The following FPGT variants were observed in gnomAD, a reference collection of about 807,000 sequenced individuals.
FPGT encodes the protein fucose-1-phosphate guanylyltransferase, also known as GDP-L-fucose diphosphorylase.
Under a neutral mutation model 45.8 loss-of-function variants are expected in FPGT, and 41 were observed. The observed-to-expected ratio is 0.90, with a 90% CI of 0.70 to 1.16. The LOEUF (loss-of-function observed/expected upper bound fraction) is 1.16, where lower values mean the gene tolerates loss of function less well. Among genes scored for constraint, FPGT ranks in the 50% most tolerant of loss-of-function variants. FPGT has a pLI of 0.00. For synonymous variants in FPGT, 292 were observed against 247.2 expected (o/e 1.18, Z -1.70); for missense variants, 755 against 689.1 (o/e 1.10, Z -1.07).
In FPGT at chr1:74,201,550, T is replaced by G. The variant is rs371707234; in HGVS notation, c.343+140T>G. The G allele has an allele frequency of 2.0e-5, 12 of 604,328 alleles. 1 individual carries two copies. Among genetic ancestry groups the G allele is most frequent in the East Asian group, 9.3e-5 (3 of 32,098 alleles). 37.4% of individuals were successfully genotyped at this position (604,328 alleles called of 1,614,324 possible). ...GTTATTCTGCTTTGAAAACAAATAT[T>G]TTATGATTTTCATGACTTTTTTTAG... On this transcript the variant is annotated intron_variant, in intron 3 of 3. Transcript: ENST00000370898.
At position 74,199,946 on chromosome 1, in the gene FPGT, A is replaced by G. The variant is rs540870571; in HGVS notation, c.250+115A>G. 1.1e-4 allele frequency: 133 copies of G among 1,192,364 alleles called. 1 individual carries two copies. The South Asian group carries it at 2.8e-3, about 25-fold the overall frequency. The allele number at this position is 1,192,364 out of a possible 1,614,324, so 73.9% of individuals were successfully genotyped here. On this transcript the variant is annotated intron_variant, in intron 2 of 3. Transcript: ENST00000370898. Reference sequence around the variant, plus strand: ...GCATATCTCTACCCACAGCTTTACAAACTTTAAAATTTGAACATAAATTGA... The same window carrying G: ...GCATATCTCTACCCACAGCTTTACAGACTTTAAAATTTGAACATAAATTGA...
rs1389768040 is a variant in FPGT at position 74,201,406 on chromosome 1, C to T, written c.339C>T (p.His113=). The T allele has an allele frequency of 3.1e-6, 5 of 1,595,750 alleles. No individual in the cohort carries two copies. The highest frequency in any genetic ancestry group is 1.3e-5 in the African/African-American group (1 of 74,406). Residue 113 remains histidine (H), a synonymous_variant, in exon 3 of 4, where the codon CAC becomes CAT. Coordinates refer to ENST00000370898, the MANE Select transcript of FPGT (RefSeq NM_003838.5). ...KWNSFTILLI[H]SGGYSQRLPN... ...ATTCTTTTACCATCTTATTAATTCA[C>T]TCTGGTAATGTTATACTTTACTAAT...
intron 2 of FPGT, among the ~76,000 whole-genome samples, chr1:74,200,467 A>T: frequency 6.7e-6 from 1 of 149,756 alleles, no homozygotes; most frequent in African/African-American, 2.5e-5. Context: ...TTTAATCCTT[A>T]CAACTATGAG....
rs555698704 is a variant in FPGT, at chr1:74,205,222, T to C, written c.1175T>C (p.Ile392Thr). 7 of 1,613,958 alleles carry C rather than the reference T, an allele frequency of 4.3e-6. No homozygotes were observed. The African/African-American group carries it at 6.7e-5, about 15-fold the overall frequency. Residue 392 changes from isoleucine to threonine, a missense_variant, in exon 4 of 4, where the codon ATA becomes ACA. Transcript: ENST00000370898. ...ATAACTTTTAGTATCTTTCCAGATATACCAGAATGCTCTGGCAAAACATCC... is the reference window on the plus strand; with the variant it reads ...ATAACTTTTAGTATCTTTCCAGATACACCAGAATGCTCTGGCAAAACATCC... The part of the protein sequence containing the change: ...QSITFSIFPD[I>T]PECSGKTSCI...
intron 1 of FPGT, among the ~76,000 whole-genome samples, chr1:74,199,351 G>A (rs1651547243): frequency 1.3e-5 from 2 of 152,070 alleles, no homozygotes; most frequent in Non-Finnish European, 2.9e-5. Flanking sequence ...ATAGTCTTTG[G>A]CAAGTTAAAA....
In FPGT at chr1:74,205,004, C is replaced by G. The variant is rs1487078171; in HGVS notation, c.957C>G (p.Asn319Lys). 1.9e-6 allele frequency: 3 copies of G among 1,613,958 alleles called. No individual in the cohort carries two copies. In the South Asian group the frequency reaches 3.3e-5, roughly 18 times the overall value. Residue 319 changes from asparagine to lysine, a missense_variant, in exon 4 of 4, where the codon AAC becomes AAG. Transcript: ENST00000370898. Reference protein sequence around the residue: ...GPGATVEYTRNTSNVIKEESE... With the variant: ...GPGATVEYTRKTSNVIKEESE... ...GAGCAACTGTGGAGTACACCAGAAACACATCAAATGTCATTAAAGAAGAGT... is the reference window on the plus strand; with the variant it reads ...GAGCAACTGTGGAGTACACCAGAAAGACATCAAATGTCATTAAAGAAGAGT...
Position 74,206,056 on chromosome 1 carries a change from G to T in FPGT, c.*224G>T. On this transcript the variant is annotated 3_prime_UTR_variant, in exon 4 of 4. Transcript: ENST00000370898. ...ATTTTGGATGTGTATCAGTATTTTT[G>T]TTTTTAATAATGATTGATTTGTGGA... 2.8e-6 allele frequency: 1 copy of T among 360,158 alleles called. No individual in the cohort carries two copies. The highest frequency in any genetic ancestry group is 5.0e-6 in the Non-Finnish European group (1 of 201,340). The allele number at this position is 360,158 out of a possible 1,614,324, so 22.3% of individuals were successfully genotyped here. A position where few individuals can be genotyped will look rare whatever the true frequency, so the allele number is the denominator to read the frequency against.
At position 74,205,148 on chromosome 1, in the gene FPGT, T is replaced by A; in HGVS notation, c.1101T>A (p.Phe367Leu). 6.2e-7 allele frequency: 1 copy of A among 1,613,788 alleles called. No individual in the cohort carries two copies. Among genetic ancestry groups the A allele is most frequent in the Admixed American group, 1.7e-5 (1 of 60,012 alleles). The change falls in exon 4 of 4, where the codon TTT becomes TTA. Residue 367 changes from phenylalanine to leucine, a missense_variant. Phe to Leu is a conservative substitution (Grantham distance 22, BLOSUM62 0). Coordinates refer to ENST00000370898, the MANE Select transcript of FPGT (RefSeq NM_003838.5). ...YHIGTTEEYL[F>L]YFTSDNSLKS... ...TTGGAACAACCGAAGAATATTTGTTTTACTTTACCTCAGATAACAGTTTAA... is the reference window on the plus strand; with the variant it reads ...TTGGAACAACCGAAGAATATTTGTTATACTTTACCTCAGATAACAGTTTAA...
In FPGT at chr1:74,205,737, A is replaced by G. The variant is rs758640235; in HGVS notation, c.1690A>G (p.Ile564Val). 3.7e-6 allele frequency: 6 copies of G among 1,603,446 alleles called. No homozygotes were observed. The highest frequency in any genetic ancestry group is 2.2e-5 in the East Asian group (1 of 44,792). Residue 564 changes from isoleucine to valine, a missense_variant, in exon 4 of 4, where the codon ATT becomes GTT. Transcript: ENST00000370898. ...CCTGAATAGCTATAAGTTGCTGTCC[A>G]TTGAAGAAATGCTTATCTACAAAGA... Reference protein sequence around the residue: ...FSLNSYKLLSIEEMLIYKDVE... With the variant: ...FSLNSYKLLSVEEMLIYKDVE...
chr1:74,205,482 A>C lies in FPGT; in HGVS notation c.1435A>C (p.Lys479Gln). ...MAFGVQDNLK[K>Q]SVKTLSDIKL... ...ATTTGGAGTGCAAGACAACTTGAAA[A>C]AGAGTGTGAAAACATTGTCAGATAT... Residue 479 changes from lysine (K) to glutamine (Q), a missense_variant, in exon 4 of 4, where the codon AAG becomes CAG. Physicochemically the swap from Lys to Gln is moderately conservative, Grantham distance 53. Coordinates refer to ENST00000370898, the MANE Select transcript of FPGT (RefSeq NM_003838.5). 1 of 1,613,604 alleles carries C rather than the reference A, an allele frequency of 6.2e-7. No homozygotes were observed. The highest frequency in any genetic ancestry group is 8.5e-7 in the Non-Finnish European group (1 of 1,179,506).
At chr1:74,204,257 G>T (rs1652069490) in intron 3 of FPGT, 134 bp from the exon 4 acceptor site, 2 of 506,108 alleles carry the variant, frequency 4.0e-6, no homozygotes, top group Non-Finnish European at 6.7e-6. Flanking sequence ...CTGATTTGCA[G>T]TAACAAGTGG....
intron 3 of FPGT, among the ~76,000 whole-genome samples, chr1:74,202,852 TG>T (rs1371860221): frequency 6.6e-6 from 1 of 152,166 alleles, no homozygotes; most frequent in Non-Finnish European, 1.5e-5. Context: ...TGGTTAGAAA[TG>T]AAGACACAAA....
rs768208498 is a variant in FPGT at position 74,207,410 on chromosome 1, G to A, written c.*1578G>A. On this transcript the variant is annotated 3_prime_UTR_variant, in exon 4 of 4. Coordinates refer to ENST00000370898, the MANE Select transcript of FPGT (RefSeq NM_003838.5). ...TCAGCACTTTCAGAGCTATTGATAT[G>A]CATATGTCCACCTAGTACCATCTTC... Among the ~76,000 whole-genome samples the A allele has an allele frequency of 2.0e-5, 3 of 152,012 alleles. No homozygotes were observed. Among genetic ancestry groups the A allele is most frequent in the Non-Finnish European group, 2.9e-5 (2 of 67,944 alleles).
chr1:74,205,204 T>A lies in FPGT; in HGVS notation c.1157T>A (p.Phe386Tyr), dbSNP rs569944838. ...GAGCTCGGCTTACAGTCCATAACTT[T>A]TAGTATCTTTCCAGATATACCAGAA... The part of the protein sequence containing the change: ...KSELGLQSIT[F>Y]SIFPDIPECS... Residue 386 changes from phenylalanine to tyrosine, a missense_variant, in exon 4 of 4, where the codon TTT becomes TAT. Phe to Tyr is a conservative substitution (Grantham distance 22). Coordinates refer to ENST00000370898, the MANE Select transcript of FPGT (RefSeq NM_003838.5). 2 of 1,614,084 alleles carry A rather than the reference T, an allele frequency of 1.2e-6. No homozygotes were observed. The highest frequency in any genetic ancestry group is 1.7e-6 in the Non-Finnish European group (2 of 1,179,946).
At chr1:74,201,694 T>C (rs546443672) in intron 3 of FPGT, among the ~76,000 whole-genome samples, 1 of 152,334 alleles carries the variant, frequency 6.6e-6, no homozygotes, top group South Asian at 2.1e-4. Context: ...ATTATTTTCC[T>C]AAGACAACTC....
In FPGT at chr1:74,204,675, C is replaced by T. The variant is rs148933608; in HGVS notation, c.628C>T (p.Pro210Ser). The T allele has an allele frequency of 2.1e-3, 3,447 of 1,612,982 alleles. 6 individuals carry two copies. Among genetic ancestry groups the T allele is most frequent in the Non-Finnish European group, 2.7e-3 (3,229 of 1,178,974 alleles). ...GTTHGVFVLD[P>S]FDDLKHRDLE... is the part of the protein sequence containing the mutation. The stretch of plus-strand genomic sequence containing the variant: ...CACACATGGAGTATTTGTCTTAGAT[C>T]CTTTTGATGATTTAAAACATAGAGA... The change falls in exon 4 of 4, where the codon CCT becomes TCT. Residue 210 changes from proline to serine, a missense_variant. Physicochemically the swap from Pro to Ser is moderately conservative, Grantham distance 74. Transcript: ENST00000370898.
In FPGT at chr1:74,204,398, C is replaced by T. The variant is rs764978201; in HGVS notation, c.351C>T (p.Tyr117=). The change falls in exon 4 of 4, where the codon TAC becomes TAT. Residue 117 remains tyrosine (Y), a synonymous_variant. Transcript: ENST00000370898. The stretch of plus-strand genomic sequence containing the variant: ...TTCGTTTTAATTTTATAGGTGGCTA[C>T]AGTCAACGACTTCCAAATGCAAGTG... ...FTILLIHSGG[Y]SQRLPNASAL... The T allele has an allele frequency of 5.1e-6, 8 of 1,560,152 alleles. No homozygotes were observed. The East Asian group carries it at 1.3e-4, about 26-fold the overall frequency.
In FPGT at chr1:74,207,531, G is replaced by A. The variant is rs1652379956; in HGVS notation, c.*1699G>A. 6.6e-6 allele frequency among the ~76,000 whole-genome samples: 1 copy of A among 151,854 alleles called. No homozygotes were observed. The highest frequency in any genetic ancestry group is 1.5e-5 in the Non-Finnish European group (1 of 67,914). ...TACCCAGCTACAGACCCACACTCCT[G>A]CAAGATTTGATACCCTTCTATTTGG... On this transcript the variant is annotated 3_prime_UTR_variant, in exon 4 of 4. Transcript: ENST00000370898.
intron 3 of FPGT, among the ~76,000 whole-genome samples, chr1:74,203,373 T>C (rs1279154841): frequency 6.7e-6 from 1 of 148,232 alleles, no homozygotes; most frequent in Non-Finnish European, 1.5e-5. Flanking sequence ...TCTATAACTT[T>C]TATTTTCTGT....
Sources: allele counts gnomAD v4.1 joint callset (sites outside exome capture counted in the v4.1 genomes callset), GRCh38; gene constraint gnomAD v4.1.1; transcripts MANE v1.5; gene names NCBI Gene and HGNC (gene_info 2026-07-23, HGNC 2026-07-21).